KCNIP4: variants seen among roughly 807,000 people sequenced by gnomAD.
KCNIP4 encodes the protein Kv channel-interacting protein 4.
KCNIP4 carries 12 observed loss-of-function variants against 34.0 expected under a neutral mutation model. The ratio of observed to expected loss-of-function variants is 0.35; its 90% CI spans 0.23 to 0.57. KCNIP4 has a LOEUF of 0.57. KCNIP4 is among the 20% of genes least tolerant of loss of function. KCNIP4 has a pLI of 0.83. For missense variants in KCNIP4, 238 were observed against 311.7 expected (o/e 0.76, Z 1.78); for synonymous variants, 124 against 102.2 (o/e 1.21, Z -1.29).
intron 1 of KCNIP4, among the ~76,000 whole-genome samples, chr4:21,466,456 A>G (rs71607077): frequency 0.12 from 17,910 of 152,146 alleles, 1,236 homozygotes; most frequent in South Asian, 0.16. Context: ...GTTATCTGGC[A>G]TTTTATCAAC....
chr4:21,010,461 C>CT (rs1738970740), intron 1 of KCNIP4, among the ~76,000 whole-genome samples: 1 of 152,136 alleles, frequency 6.6e-6, no homozygotes, highest in African/African-American at 2.4e-5. Context: ...AAGAAAATGC[C>CT]TGCAGACTTT....
intron 2 of KCNIP4, among the ~76,000 whole-genome samples, chr4:20,877,970 C>CTCT (rs35651818): frequency 1.6e-4 from 24 of 148,428 alleles, no homozygotes; most frequent in Admixed American, 1.1e-3. Context: ...TTCTCTCTCT[C>CTCT]TTTTTTTTTT....
intron 2 of KCNIP4, among the ~76,000 whole-genome samples, chr4:20,872,068 A>T (rs1723530989): frequency 6.6e-6 from 1 of 152,114 alleles, no homozygotes; most frequent in African/African-American, 2.4e-5. Flanking sequence ...TAATGATATG[A>T]TGATTTTGAC....
intron 3 of KCNIP4, among the ~76,000 whole-genome samples, chr4:20,821,585 G>T (rs1450283960): frequency 6.6e-6 from 1 of 152,046 alleles, no homozygotes; most frequent in Non-Finnish European, 1.5e-5. Context: ...CCTGTTACCT[G>T]AGCAGTGTAC....
At chr4:21,682,758 GC>G (rs1187746842) in intron 1 of KCNIP4, among the ~76,000 whole-genome samples, 3 of 152,028 alleles carry the variant, frequency 2.0e-5, no homozygotes, top group African/African-American at 7.2e-5. Context: ...AAATAGGGAG[GC>G]CCAAGGAGAA....
At chr4:20,854,644 A>C (rs1227980165) in intron 2 of KCNIP4, among the ~76,000 whole-genome samples, 1 of 152,192 alleles carries the variant, frequency 6.6e-6, no homozygotes, top group African/African-American at 2.4e-5. Context: ...GAGGAAAAAA[A>C]GAATTGAAGG....
intron 1 of KCNIP4, among the ~76,000 whole-genome samples, chr4:21,080,396 A>G (rs1042051251): frequency 2.0e-5 from 3 of 151,976 alleles, no homozygotes; most frequent in African/African-American, 4.8e-5. Flanking sequence ...TATTTTATAA[A>G]TCAGTTCAAA....
At chr4:21,766,166 T>G (rs541666548) in intron 1 of KCNIP4, among the ~76,000 whole-genome samples, 1 of 152,284 alleles carries the variant, frequency 6.6e-6, no homozygotes, top group East Asian at 1.9e-4. Flanking sequence ...GGTGGTGGCC[T>G]GAACAATACA....
chr4:21,247,984 C>T (rs11933872), intron 1 of KCNIP4, among the ~76,000 whole-genome samples: 21,623 of 115,146 alleles, frequency 0.19, 2,632 homozygotes, highest in African/African-American at 0.37. Context: ...TATATATATA[C>T]ACACACACAC....
chr4:21,594,276 C>G (rs1372757423), intron 1 of KCNIP4, among the ~76,000 whole-genome samples: 3 of 151,990 alleles, frequency 2.0e-5, no homozygotes, highest in African/African-American at 7.2e-5. Flanking sequence ...TAGAAATAAA[C>G]AATTCAATAT....
At chr4:21,241,491 G>C (rs1349471926) in intron 1 of KCNIP4, among the ~76,000 whole-genome samples, 5 of 152,116 alleles carry the variant, frequency 3.3e-5, no homozygotes, top group East Asian at 3.9e-4. Flanking sequence ...AGGTAAGGAA[G>C]GTGTAGGCAA....
At chr4:21,435,270 T>C (rs957696627) in intron 1 of KCNIP4, among the ~76,000 whole-genome samples, 5 of 152,108 alleles carry the variant, frequency 3.3e-5, no homozygotes, top group African/African-American at 1.2e-4. Context: ...TGAGGGGGTA[T>C]AGTGGGTGAA....
At chr4:21,406,392 C>T (rs1042211957) in intron 1 of KCNIP4, among the ~76,000 whole-genome samples, 6 of 152,348 alleles carry the variant, frequency 3.9e-5, no homozygotes, top group African/African-American at 1.4e-4. Flanking sequence ...TATTTTCTAA[C>T]TGCTAGCATT....
chr4:21,333,123 A>G (rs1221628315), intron 1 of KCNIP4, among the ~76,000 whole-genome samples: 1 of 152,038 alleles, frequency 6.6e-6, no homozygotes, highest in Non-Finnish European at 1.5e-5. Flanking sequence ...TGTCCCTTCA[A>G]TCCCACAGAA....
chr4:21,013,742 A>C (rs1739265913), intron 1 of KCNIP4, among the ~76,000 whole-genome samples: 1 of 152,110 alleles, frequency 6.6e-6, no homozygotes, highest in African/African-American at 2.4e-5. Flanking sequence ...CTGAAATTGG[A>C]ATTTGGGCTT....
intron 1 of KCNIP4, among the ~76,000 whole-genome samples, chr4:20,908,539 C>G (rs1431848506): frequency 2.0e-5 from 3 of 152,164 alleles, no homozygotes; most frequent in Non-Finnish European, 2.9e-5. Flanking sequence ...TATTGTAAAG[C>G]TGGTTAAAAT....
chr4:21,299,191 T>A (rs2109235483), intron 1 of KCNIP4, among the ~76,000 whole-genome samples: 1 of 152,202 alleles, frequency 6.6e-6, no homozygotes, highest in Non-Finnish European at 1.5e-5. Flanking sequence ...ATGTCTGACA[T>A]ATAGGTGATA....
intron 1 of KCNIP4, among the ~76,000 whole-genome samples, chr4:21,437,552 T>C (rs1432562059): frequency 2.6e-5 from 4 of 152,192 alleles, no homozygotes; most frequent in Non-Finnish European, 5.9e-5. Context: ...AAATCCACTG[T>C]CTCAGGCCCA....
intron 1 of KCNIP4, among the ~76,000 whole-genome samples, chr4:21,173,650 A>G (rs1364424601): frequency 1.3e-5 from 2 of 152,152 alleles, no homozygotes; most frequent in Non-Finnish European, 2.9e-5. Context: ...GCTCTGCCCA[A>G]GGTCATAGCC....
Sources: gnomAD v4.1 joint callset for allele counts (sites outside exome capture counted in the v4.1 genomes callset) on GRCh38, gnomAD v4.1.1 for gene constraint, MANE v1.5 for transcripts, NCBI Gene and HGNC (gene_info 2026-07-23, HGNC 2026-07-21) for gene names.